The following PHOX2A variants were observed in gnomAD, a reference collection of about 807,000 sequenced individuals.
The protein encoded by PHOX2A is paired mesoderm homeobox protein 2A.
PHOX2A carries 10 observed loss-of-function variants against 16.4 expected under a neutral mutation model. The observed-to-expected ratio is 0.61, with a 90% CI of 0.38 to 1.04. The LOEUF (loss-of-function observed/expected upper bound fraction) is 1.04. PHOX2A is among the 50% of genes least tolerant of loss of function. The pLI is 0.01. For missense variants in PHOX2A, 361 were observed against 419.4 expected (o/e 0.86, Z 1.22); for synonymous variants, 219 against 203.8 (o/e 1.07, Z -0.64).
In PHOX2A at chr11:72,243,860, A is replaced by T; in HGVS notation, c.145T>A (p.Cys49Ser). 1 of 1,269,520 alleles carries T rather than the reference A, an allele frequency of 7.9e-7. No homozygotes were observed. 78.6% of individuals were successfully genotyped at this position (1,269,520 alleles called of 1,614,324 possible). A position where few individuals can be genotyped will look rare whatever the true frequency, so the allele number is the denominator to read the frequency against. ...CAGTTGGAGGAGCCGAGCGCGGGGC[A>T]GGGCGGCCCTGCCGCGGGGAAAGCG... ...RPAFPAAGPP[C>S]PALGSSNCAL... The change falls in exon 1 of 3, where the codon TGC becomes AGC. Residue 49 changes from cysteine to serine, a missense_variant. Physicochemically the swap from Cys to Ser is moderately radical, Grantham distance 112 (BLOSUM62 -1). Transcript: ENST00000298231.
intron 1 of PHOX2A, among the ~76,000 whole-genome samples, chr11:72,243,570 CAG>C (rs1565403782): frequency 1.3e-5 from 2 of 152,234 alleles, no homozygotes; most frequent in South Asian, 4.1e-4. Context: ...GGGCACGAGA[CAG>C]AGATTTGGCA....
intron 1 of PHOX2A, among the ~76,000 whole-genome samples, chr11:72,242,235 G>T (rs1949128313): frequency 6.6e-6 from 1 of 152,000 alleles, no homozygotes; most frequent in Admixed American, 6.6e-5. Context: ...CTGTAACCCT[G>T]GTTTAAGTCT....
rs972512503 is a variant in PHOX2A at position 72,239,477 on chromosome 11, T to C, written c.*272A>G. On this transcript the variant is annotated 3_prime_UTR_variant, in exon 3 of 3. Transcript: ENST00000298231. ...GGGACAGGCCTCATGTGATACCGCATCCAAAGAAGGCCAAGCTAGAAGGAG... is the reference window on the plus strand; with the variant it reads ...GGGACAGGCCTCATGTGATACCGCACCCAAAGAAGGCCAAGCTAGAAGGAG... 6 of 344,904 alleles carry C rather than the reference T, an allele frequency of 1.7e-5. No individual in the cohort carries two copies. Among genetic ancestry groups the C allele is most frequent in the Non-Finnish European group, 2.1e-5 (4 of 192,246 alleles). 21.4% of individuals were successfully genotyped at this position (344,904 alleles called of 1,614,324 possible). A position where few individuals can be genotyped will look rare whatever the true frequency, so the allele number is the denominator to read the frequency against.
Position 72,239,820 on chromosome 11 carries a change from C to T in PHOX2A, c.784G>A (p.Gly262Arg). The change falls in exon 3 of 3, where the codon GGG becomes AGG. Residue 262 changes from glycine to arginine, a missense_variant. Coordinates refer to ENST00000298231, the MANE Select transcript of PHOX2A (RefSeq NM_005169.4). ...KAWQPAESGP[G>R]PFSGVLSSFH... ...GAGGACAGAACCCCGGAGAAGGGCC[C>T]GGGGCCGGACTCCGCCGGCTGCCAA... 1 of 1,363,216 alleles carries T rather than the reference C, an allele frequency of 7.3e-7. No homozygotes were observed. The highest frequency in any genetic ancestry group is 9.5e-7 in the Non-Finnish European group (1 of 1,048,636). 84.4% of individuals were successfully genotyped at this position (1,363,216 alleles called of 1,614,324 possible).
At chr11:72,243,755 T>C in intron 1 of PHOX2A, 33 bp downstream of exon 1, 1 of 1,175,714 alleles carries the variant, frequency 8.5e-7, no homozygotes, top group Non-Finnish European at 1.1e-6. Context: ...TCTGCAGGAA[T>C]TGGAGGGAGG....
At chr11:72,240,224 T>A in intron 2 of PHOX2A, 26 bp from the exon 3 acceptor site, 1 of 1,530,798 alleles carries the variant, frequency 6.5e-7, no homozygotes. Context: ...CCAGTCAGCC[T>A]GGACGAGGGT....
intron 1 of PHOX2A, 127 bp from the exon 2 acceptor site, chr11:72,241,416 G>A (rs547907479): frequency 3.1e-6 from 2 of 645,144 alleles, no homozygotes; most frequent in African/African-American, 3.7e-5. Flanking sequence ...CTGATCCCTC[G>A]TCTTGGTCCC....
chr11:72,241,091 C>T lies in PHOX2A; in HGVS notation c.405+11G>A, dbSNP rs1246049703. On this transcript the variant is annotated intron_variant, in intron 2 of 2. Coordinates refer to ENST00000298231, the MANE Select transcript of PHOX2A (RefSeq NM_005169.4). ...ATGCGCACTCTCGTACACACACGTG[C>T]ATACACGCACCTGCACGCGAGCCTC... The T allele has an allele frequency of 1.9e-6, 3 of 1,612,818 alleles. No homozygotes were observed. Among genetic ancestry groups the T allele is most frequent in the Non-Finnish European group, 2.5e-6 (3 of 1,179,266 alleles).
Position 72,239,541 on chromosome 11 carries a change from C to T in PHOX2A, c.*208G>A. 2.5e-6 allele frequency: 1 copy of T among 404,640 alleles called. No homozygotes were observed. Among genetic ancestry groups the T allele is most frequent in the South Asian group, 1.4e-4 (1 of 7,152 alleles). 25.1% of individuals were successfully genotyped at this position (404,640 alleles called of 1,614,324 possible). A position where few individuals can be genotyped will look rare whatever the true frequency, so the allele number is the denominator to read the frequency against. ...CTGGAGGAGGTCCCGGTATAAAGAA[C>T]TCCGCTCTGCTGGTAGAGGGTGGGT... On this transcript the variant is annotated 3_prime_UTR_variant, in exon 3 of 3. Coordinates refer to ENST00000298231, the MANE Select transcript of PHOX2A (RefSeq NM_005169.4).
Position 72,239,863 on chromosome 11 carries a change from C to A in PHOX2A, c.741G>T (p.Ala247=). The A allele has an allele frequency of 7.3e-7, 1 of 1,374,404 alleles. No individual in the cohort carries two copies. Among genetic ancestry groups the A allele is most frequent in the South Asian group, 1.8e-5 (1 of 56,082 alleles). 85.1% of individuals were successfully genotyped at this position (1,374,404 alleles called of 1,614,324 possible). Residue 247 remains alanine, a synonymous_variant, in exon 3 of 3, where the codon GCG becomes GCT. Transcript: ENST00000298231. ...GCTGCCAAGCCTTAAGTAGTTCGGC[C>A]GCTCCCGCGCCAGGCCCGCCGCCCC... ...GGGGGGPGAG[A]AELLKAWQPA...
chr11:72,241,312 CG>C (rs373067213), intron 1 of PHOX2A, 23 bp from the exon 2 acceptor site: 23,305 of 379,624 alleles, frequency 0.061, 47 homozygotes, highest in Middle Eastern at 0.098. Context: ...GCAGGGGGGC[CG>C]GGGGGGGGGC....
In PHOX2A at chr11:72,244,054, G is replaced by A. The variant is rs200284055; in HGVS notation, c.-50C>T. ...CCGGGCCAGGCCGGGTCGGGGTCGG[G>A]GTCCGGGTGGAGGTCGGAAGGGAGG... On this transcript the variant is annotated 5_prime_UTR_variant, in exon 1 of 3. Coordinates refer to ENST00000298231, the MANE Select transcript of PHOX2A (RefSeq NM_005169.4). 935 of 953,174 alleles carry A rather than the reference G, an allele frequency of 9.8e-4. 2 individuals carry two copies. Among genetic ancestry groups the A allele is most frequent in the Non-Finnish European group, 4.3e-4 (314 of 726,588 alleles). 59.0% of individuals were successfully genotyped at this position (953,174 alleles called of 1,614,324 possible).
intron 1 of PHOX2A, 28 bp downstream of exon 1, chr11:72,243,760 G>C (rs1173933589): frequency 6.7e-6 from 8 of 1,200,726 alleles, no homozygotes; most frequent in Non-Finnish European, 8.4e-6. Flanking sequence ...AGGAATTGGA[G>C]GGAGGGTTGG....
chr11:72,240,009 C>T lies in PHOX2A; in HGVS notation c.595G>A (p.Gly199Ser), dbSNP rs1476578050. 1 of 1,424,734 alleles carries T rather than the reference C, an allele frequency of 7.0e-7. No homozygotes were observed. Among genetic ancestry groups the T allele is most frequent in the Non-Finnish European group, 9.1e-7 (1 of 1,093,202 alleles). The allele number at this position is 1,424,734 out of a possible 1,614,324, so 88.3% of individuals were successfully genotyped here. The stretch of plus-strand genomic sequence containing the variant: ...GGGCTCAGGCGCGGGCTGGCCAGGC[C>T]GGGCGCAGGCGGCGGCGGCAGCGAG... Reference protein sequence around the residue: ...TASLPPPPAPGLASPRLSPSP... With the variant: ...TASLPPPPAPSLASPRLSPSP... The change falls in exon 3 of 3, where the codon GGC (glycine) becomes AGC (serine). Residue 199 changes from glycine (G) to serine (S), a missense_variant. By Grantham distance (56) the Gly-to-Ser change is moderately conservative. This residue lies in a region of PHOX2A where 55 missense variants were observed against 101.6 expected (regional missense o/e 0.54). Transcript: ENST00000298231.
At position 72,243,782 on chromosome 11, in the gene PHOX2A, G is replaced by A. The variant is rs1233999333; in HGVS notation, c.217+6C>T. 1.1e-5 allele frequency: 14 copies of A among 1,243,352 alleles called. No individual in the cohort carries two copies. Among genetic ancestry groups the A allele is most frequent in the Admixed American group, 4.2e-5 (1 of 23,786 alleles). The allele number at this position is 1,243,352 out of a possible 1,614,324, so 77.0% of individuals were successfully genotyped here. On this transcript the variant is annotated splice_donor_region_variant and intron_variant, in intron 1 of 2. Coordinates refer to ENST00000298231, the MANE Select transcript of PHOX2A (RefSeq NM_005169.4). ...GGAGGGAGGGTTGGGCCGGGGCTGCGCTCACCTGCCGAGTAGGGCGCGGGC... is the reference window on the plus strand; with the variant it reads ...GGAGGGAGGGTTGGGCCGGGGCTGCACTCACCTGCCGAGTAGGGCGCGGGC...
Position 72,241,318 on chromosome 11 carries a change from G to GC in PHOX2A, c.218-30_218-29insG. ...CGGGTGTGTGCAGGGGGGCCGGGGG[G>GC]GGGGCAAAAAGGATGGGGGAGTGAG... On this transcript the variant is annotated intron_variant, in intron 1 of 2. Transcript: ENST00000298231. The GC allele has an allele frequency of 1.7e-6, 2 of 1,208,428 alleles. 1 individual carries two copies. The highest frequency in any genetic ancestry group is 2.8e-5 in the South Asian group (2 of 70,338). The allele number at this position is 1,208,428 out of a possible 1,614,324, so 74.9% of individuals were successfully genotyped here.
chr11:72,243,069 G>C (rs1949134635), intron 1 of PHOX2A, among the ~76,000 whole-genome samples: 1 of 152,220 alleles, frequency 6.6e-6, no homozygotes, highest in African/African-American at 2.4e-5. Flanking sequence ...GGGCTGAGAT[G>C]ACTGAGAAGC....
intron 2 of PHOX2A, among the ~76,000 whole-genome samples, chr11:72,240,657 G>A (rs1030996723): frequency 2.6e-5 from 4 of 152,202 alleles, no homozygotes; most frequent in African/African-American, 9.6e-5. Flanking sequence ...ATAGACAACA[G>A]TCTGCTCTAG....
intron 1 of PHOX2A, 22 bp from the exon 2 acceptor site, chr11:72,241,311 C>CGGG: frequency 1.3e-6 from 1 of 771,906 alleles, no homozygotes; most frequent in Admixed American, 4.1e-5. Context: ...TGCAGGGGGG[C>CGGG]CGGGGGGGGG....
Sources: gnomAD v4.1 joint callset for allele counts (sites outside exome capture counted in the v4.1 genomes callset) on GRCh38, gnomAD v4.1.1 for gene constraint, gnomAD v4.1.1 regional missense constraint, MANE v1.5 for transcripts, NCBI Gene and HGNC (gene_info 2026-07-23, HGNC 2026-07-21) for gene names.